MAP3K7: variants seen among roughly 807,000 people sequenced by gnomAD.
MAP3K7 encodes mitogen-activated protein kinase kinase kinase 7, also known as TGF-beta activated kinase 1.
A neutral mutation model predicts 84.8 loss-of-function variants in MAP3K7; 21 were observed. That is an observed-to-expected ratio of 0.25 (90% confidence interval 0.18 to 0.36). The LOEUF (loss-of-function observed/expected upper bound fraction) is 0.36. Among genes scored for constraint, MAP3K7 ranks in the 10% least tolerant of loss-of-function variants. The pLI, the probability that MAP3K7 is intolerant of heterozygous loss-of-function variation, is 1.00. For synonymous variants in MAP3K7, 241 were observed against 247.7 expected, an observed-to-expected ratio of 0.97 and a Z score of 0.25; for missense variants, 503 against 747.7, an observed-to-expected ratio of 0.67 and a Z score of 3.82.
At position 90,571,799 on chromosome 6, in the gene MAP3K7, T is replaced by C. The variant is rs1347437764; in HGVS notation, c.129A>G (p.Gly43=). ...TGCAAACAACTCCAAAGGCTCCTCT[T>C]CCAACAACCTGAGTTAAACAAACAA... is the stretch of plus-strand genomic sequence containing the variant. The part of the protein sequence containing the change: ...YKEIEVEEVV[G]RGAFGVVCKA... The change falls in exon 2 of 17, where the codon GGA becomes GGG. Residue 43 remains glycine (G), a synonymous_variant. Transcript: ENST00000369329. The C allele has an allele frequency of 1.3e-6, 2 of 1,583,668 alleles. No individual in the cohort carries two copies. Among genetic ancestry groups the C allele is most frequent in the Non-Finnish European group, 1.7e-6 (2 of 1,163,884 alleles).
chr6:90,581,332 T>C (rs930411729), intron 1 of MAP3K7, among the ~76,000 whole-genome samples: 10 of 152,208 alleles, frequency 6.6e-5, no homozygotes, highest in Admixed American at 1.3e-4. Context: ...TTCTATGAAC[T>C]ATCTGAATGG....
At chr6:90,568,519 C>T in intron 3 of MAP3K7, 39 bp downstream of exon 3, 1 of 1,548,254 alleles carries the variant, frequency 6.5e-7, no homozygotes, top group Non-Finnish European at 8.8e-7. Context: ...TCTGCCATGT[C>T]ATTTCTCACA....
At position 90,553,441 on chromosome 6, in the gene MAP3K7, A is replaced by C. The variant is rs914987690; in HGVS notation, c.736+17T>G. On this transcript the variant is annotated intron_variant, in intron 7 of 16. Transcript: ENST00000369329. ...AAACACAAAAAGTACTTTTAAGAAA[A>C]ATTTCTTTTTACGAACCATTATGAA... 13 of 1,601,480 alleles carry C rather than the reference A, an allele frequency of 8.1e-6. No homozygotes were observed. The African/African-American group carries it at 1.8e-4, about 22-fold the overall frequency.
At chr6:90,560,298 A>G (rs920920484) in intron 4 of MAP3K7, 84 bp from the exon 5 acceptor site, 107 of 1,370,768 alleles carry the variant, frequency 7.8e-5, no homozygotes, top group Non-Finnish European at 5.8e-5. Flanking sequence ...ATCAGAACAC[A>G]TGACTGGGTA....
At chr6:90,574,683 A>G (rs1008765842) in intron 1 of MAP3K7, among the ~76,000 whole-genome samples, 7 of 152,178 alleles carry the variant, frequency 4.6e-5, no homozygotes, top group Non-Finnish European at 2.9e-5. Context: ...AACATTATCT[A>G]TATTTGTGAA....
chr6:90,538,312 T>C (rs1348106609), intron 12 of MAP3K7, among the ~76,000 whole-genome samples: 3 of 151,980 alleles, frequency 2.0e-5, no homozygotes, highest in South Asian at 2.1e-4. Context: ...TGAAAATTAC[T>C]GGGTGTGTTC....
At chr6:90,581,818 C>A (rs1777281301) in intron 1 of MAP3K7, among the ~76,000 whole-genome samples, 1 of 152,122 alleles carries the variant, frequency 6.6e-6, no homozygotes. Context: ...TTTGTTTAGA[C>A]CACTATAAAT....
At chr6:90,535,688 G>A (rs1775648747) in intron 13 of MAP3K7, among the ~76,000 whole-genome samples, 2 of 152,034 alleles carry the variant, frequency 1.3e-5, no homozygotes, top group African/African-American at 2.4e-5. Context: ...AATCAGTAAT[G>A]GCTTAAATTA....
intron 13 of MAP3K7, among the ~76,000 whole-genome samples, chr6:90,524,435 A>G (rs1463826467): frequency 1.3e-5 from 2 of 152,232 alleles, no homozygotes; most frequent in East Asian, 3.9e-4. Flanking sequence ...ATTGAGTTCA[A>G]CATGGAACGT....
At chr6:90,542,864 T>A (rs1414092583) in intron 12 of MAP3K7, among the ~76,000 whole-genome samples, 1 of 152,026 alleles carries the variant, frequency 6.6e-6, no homozygotes, top group Non-Finnish European at 1.5e-5. Context: ...CTGGTACACA[T>A]CAGGATGTTT....
chr6:90,558,124 C>T (rs1304722000), intron 5 of MAP3K7, among the ~76,000 whole-genome samples: 31 of 151,938 alleles, frequency 2.0e-4, no homozygotes, highest in Admixed American at 1.9e-3. Flanking sequence ...AGATTGAAAC[C>T]ATCCTGGCTA....
At chr6:90,529,169 T>C (rs1221101114) in intron 13 of MAP3K7, among the ~76,000 whole-genome samples, 1 of 152,212 alleles carries the variant, frequency 6.6e-6, no homozygotes, top group East Asian at 1.9e-4. Flanking sequence ...CATTCATGAC[T>C]CTCCATCAGC....
At chr6:90,530,252 A>T (rs910861253) in intron 13 of MAP3K7, among the ~76,000 whole-genome samples, 1 of 152,244 alleles carries the variant, frequency 6.6e-6, no homozygotes, top group African/African-American at 2.4e-5. Flanking sequence ...GTGACATGTA[A>T]GAATCAGTAT....
chr6:90,562,414 C>A (rs1399244200), intron 3 of MAP3K7, among the ~76,000 whole-genome samples: 1 of 152,250 alleles, frequency 6.6e-6, no homozygotes, highest in Non-Finnish European at 1.5e-5. Context: ...AAACACCACA[C>A]CAGGAGATTA....
intron 12 of MAP3K7, chr6:90,542,306 T>A: frequency 3.0e-6 from 3 of 983,798 alleles, no homozygotes; most frequent in Non-Finnish European, 3.6e-6. Flanking sequence ...CTACAGCTTG[T>A]ATTCTTCTAT....
At chr6:90,583,724 A>T (rs1777353513) in intron 1 of MAP3K7, among the ~76,000 whole-genome samples, 2 of 152,246 alleles carry the variant, frequency 1.3e-5, no homozygotes, top group African/African-American at 4.8e-5. Flanking sequence ...ATTATGGCAG[A>T]ATCAGTACAG....
In MAP3K7 at chr6:90,587,039, C is replaced by G. The variant is rs911602383; in HGVS notation, c.-156G>C. 15 of 871,076 alleles carry G rather than the reference C, an allele frequency of 1.7e-5. No homozygotes were observed. Among genetic ancestry groups the G allele is most frequent in the Middle Eastern group, 7.3e-4 (2 of 2,730 alleles). The allele number at this position is 871,076 out of a possible 1,614,324, so 54.0% of individuals were successfully genotyped here. A position where few individuals can be genotyped will look rare whatever the true frequency, so the allele number is the denominator to read the frequency against. On this transcript the variant is annotated 5_prime_UTR_variant, in exon 1 of 17. Transcript: ENST00000369329. ...CGGGGGTAGAGGCAGCGGCCACAGC[C>G]GTGTCCGGCTCTGGCTCCGCTGCGT...
At chr6:90,550,676 T>C (rs1776152964) in intron 8 of MAP3K7, 127 bp from the exon 9 acceptor site, 1 of 579,268 alleles carries the variant, frequency 1.7e-6, no homozygotes, top group African/African-American at 1.9e-5. Context: ...TTTACAAAGA[T>C]TACAATAATG....
rs745708232 is a variant in MAP3K7, at chr6:90,536,298, A to G, written c.1356+39T>C. 56 of 1,490,866 alleles carry G rather than the reference A, an allele frequency of 3.8e-5. No individual in the cohort carries two copies. In the Middle Eastern group the frequency reaches 5.1e-4, roughly 14 times the overall value. The allele number at this position is 1,490,866 out of a possible 1,614,324, so 92.4% of individuals were successfully genotyped here. A position where few individuals can be genotyped will look rare whatever the true frequency, so the allele number is the denominator to read the frequency against. ...TACAGTTAATTCTTGTTTTCTGCCT[A>G]GTATTCTTCAAAGATAGAAAATTTG... On this transcript the variant is annotated intron_variant, in intron 13 of 16. Coordinates refer to ENST00000369329, the MANE Select transcript of MAP3K7 (RefSeq NM_145331.3).
Sources: gnomAD v4.1 joint callset for allele counts (sites outside exome capture counted in the v4.1 genomes callset) on GRCh38, gnomAD v4.1.1 for gene constraint, MANE v1.5 for transcripts, NCBI Gene and HGNC (gene_info 2026-07-23, HGNC 2026-07-21) for gene names.